ARRDC5: variants seen among roughly 807,000 people sequenced by gnomAD.
The protein encoded by ARRDC5 is arrestin domain-containing protein 5.
In ARRDC5, 12 loss-of-function variants were observed where a neutral mutation model predicts 13.3. That is an observed-to-expected ratio of 0.90 (90% CI 0.58 to 1.46). The LOEUF is 1.46. ARRDC5 is among the 40% of genes most tolerant of loss of function. The pLI is 0.00. For missense variants in ARRDC5, 406 were observed against 418.7 expected, an observed-to-expected ratio of 0.97 and a Z score of 0.26; for synonymous variants, 181 against 173.4, an observed-to-expected ratio of 1.04 and a Z score of -0.34.
At chr19:4,913,891 AACCTCC>A in the ARRDC5 span, among the ~76,000 whole-genome samples, 2 of 139,248 alleles carry the variant, frequency 1.4e-5, no homozygotes, top group Non-Finnish European at 3.0e-5. Context: ...GGCTTACCTC[AACCTCC>A]ACCTCCTGGG....
chr19:4,904,582 G>A (rs1349128561), upstream of ARRDC5, among the ~76,000 whole-genome samples: 1 of 152,204 alleles, frequency 6.6e-6, no homozygotes, highest in Non-Finnish European at 1.5e-5. Flanking sequence ...CTCCCAAAGT[G>A]CTGGGATTAC....
chr19:4,908,667 C>T, the ARRDC5 span, among the ~76,000 whole-genome samples: 62 of 152,304 alleles, frequency 4.1e-4, no homozygotes, highest in African/African-American at 1.5e-3. Context: ...ATCCTCTCTC[C>T]CCGCCTCCCA....
chr19:4,900,946 G>C (rs2146257635), intron 1 of ARRDC5, among the ~76,000 whole-genome samples: 1 of 152,068 alleles, frequency 6.6e-6, no homozygotes, highest in African/African-American at 2.4e-5. Context: ...TTGAACCCAG[G>C]AGGTGGAGGT....
In ARRDC5 at chr19:4,890,774, A is replaced by AC. The variant is rs1340503298; in HGVS notation, c.*271dup. On this transcript the variant is annotated 3_prime_UTR_variant, in exon 3 of 3. Coordinates refer to ENST00000650722, the MANE Select transcript of ARRDC5 (RefSeq NM_001080523.3). ...GGACCCCTGGTCTTGGCACTGTGAG[A>AC]CCCCAGTAGGCTGGGGCAGACTCAG... 1.5e-5 allele frequency: 6 copies of AC among 403,748 alleles called. No individual in the cohort carries two copies. Among genetic ancestry groups the AC allele is most frequent in the Non-Finnish European group, 4.5e-6 (1 of 223,238 alleles). 25.0% of individuals were successfully genotyped at this position (403,748 alleles called of 1,614,324 possible).
chr19:4,896,606 C>T, intron 2 of ARRDC5, 65 bp downstream of exon 2: 1 of 1,281,818 alleles, frequency 7.8e-7, no homozygotes, highest in Non-Finnish European at 1.1e-6. Flanking sequence ...CCTGCCTGCC[C>T]ACCTTCCCTC....
intron 2 of ARRDC5, among the ~76,000 whole-genome samples, chr19:4,892,511 T>C: frequency 6.6e-6 from 1 of 151,202 alleles, no homozygotes; most frequent in South Asian, 2.1e-4. Context: ...ACCACAGGCA[T>C]GTGTGCCACC....
chr19:4,911,524 T>C, the ARRDC5 span, among the ~76,000 whole-genome samples: 1 of 152,016 alleles, frequency 6.6e-6, no homozygotes, highest in Non-Finnish European at 1.5e-5. Context: ...TTATTCAGAG[T>C]CTGGAGATGG....
intron 2 of ARRDC5, 24 bp downstream of exon 2, chr19:4,896,647 C>A (rs1397992242): frequency 6.4e-7 from 1 of 1,565,242 alleles, no homozygotes; most frequent in South Asian, 1.1e-5. Flanking sequence ...ATTGTTCCCA[C>A]CTCCACCTTT....
rs761940342 is a variant in ARRDC5, at chr19:4,891,007, G to A, written c.*39C>T. The stretch of plus-strand genomic sequence containing the variant: ...CAAGAGAGAGGGCTTCCTCCTGGTA[G>A]AGACTAATAAAGCTTTTAATATTTA... On this transcript the variant is annotated 3_prime_UTR_variant, in exon 3 of 3. Coordinates refer to ENST00000650722, the MANE Select transcript of ARRDC5 (RefSeq NM_001080523.3). The A allele has an allele frequency of 5.2e-6, 8 of 1,549,384 alleles. 1 individual carries two copies. In the South Asian group the frequency reaches 8.6e-5, roughly 17 times the overall value.
the ARRDC5 span, chr19:4,910,342 G>GGGGGGCCGGCAAGGAGC: frequency 6.6e-6 from 1 of 151,356 alleles, no homozygotes. Flanking sequence ...ACGCGCGCGG[G>GGGGGGCCGGCAAGGAGC]GGGGGCCGGC....
At chr19:4,907,326 G>T (rs2032084852), upstream of ARRDC5, among the ~76,000 whole-genome samples, 1 of 152,022 alleles carries the variant, frequency 6.6e-6, no homozygotes, top group African/African-American at 2.4e-5. Flanking sequence ...CTGAAGTGCA[G>T]TGGCACGATC....
chr19:4,911,405 C>CGG, the ARRDC5 span, among the ~76,000 whole-genome samples: 1 of 152,244 alleles, frequency 6.6e-6, no homozygotes, highest in Non-Finnish European at 1.5e-5. Context: ...GTAGCTAGGA[C>CGG]GGAGGGGACC....
upstream of ARRDC5, among the ~76,000 whole-genome samples, chr19:4,904,006 T>G (rs568967874): frequency 1.1e-4 from 17 of 151,934 alleles, no homozygotes; most frequent in Admixed American, 5.3e-4. Context: ...AGGTGGAATC[T>G]CACTCTGTTG....
At position 4,890,665 on chromosome 19, in the gene ARRDC5, A is replaced by G. The variant is rs142353420; in HGVS notation, c.*381T>C. 3.6e-4 allele frequency: 90 copies of G among 248,638 alleles called. No homozygotes were observed. The highest frequency in any genetic ancestry group is 1.7e-3 in the African/African-American group (75 of 44,592). The allele number at this position is 248,638 out of a possible 1,614,324, so 15.4% of individuals were successfully genotyped here. On this transcript the variant is annotated 3_prime_UTR_variant, in exon 3 of 3. Transcript: ENST00000650722. The stretch of plus-strand genomic sequence containing the variant: ...CCTGGCCTCCACCCTCTCCACGCCA[A>G]TAAGACTCTTCTCCCCCGATCCCCT...
the ARRDC5 span, chr19:4,909,530 T>C: frequency 1.5e-6 from 1 of 659,150 alleles, no homozygotes; most frequent in East Asian, 3.2e-5. Flanking sequence ...CGGGCAGCGT[T>C]TGCCGAGCGG....
intron 2 of ARRDC5, among the ~76,000 whole-genome samples, chr19:4,896,329 A>AAATATATATAT (rs1371235915): frequency 1.4e-5 from 1 of 73,394 alleles, no homozygotes; most frequent in African/African-American, 5.8e-5. Context: ...AAAAAAAAAA[A>AAATATATATAT]ATATATATAT....
the ARRDC5 span, among the ~76,000 whole-genome samples, chr19:4,908,184 A>G: frequency 0.022 from 3,342 of 152,258 alleles, 122 homozygotes; most frequent in African/African-American, 0.076. Context: ...GCAAAGTTGC[A>G]AAGTCCTTTT....
chr19:4,908,969 C>T, the ARRDC5 span, among the ~76,000 whole-genome samples: 3 of 152,038 alleles, frequency 2.0e-5, no homozygotes, highest in South Asian at 6.2e-4. Flanking sequence ...GGCGGGAAAA[C>T]GAGGCGGGAA....
upstream of ARRDC5, chr19:4,903,060 C>G: frequency 4.8e-6 from 2 of 418,936 alleles, no homozygotes; most frequent in South Asian, 4.4e-5. Context: ...GGAGTCTTAC[C>G]CTGTAGCCCA....
Sources: allele counts gnomAD v4.1 joint callset (sites outside exome capture counted in the v4.1 genomes callset), GRCh38; gene constraint gnomAD v4.1.1; transcripts MANE v1.5; gene names NCBI Gene and HGNC (gene_info 2026-07-23, HGNC 2026-07-21).